The following PLEKHA7 variants were observed in gnomAD, a reference collection of about 807,000 sequenced individuals.
The protein encoded by PLEKHA7 is pleckstrin homology domain-containing family A member 7.
A neutral mutation model predicts 170.0 loss-of-function variants in PLEKHA7; 104 were observed. The ratio of observed to expected loss-of-function variants is 0.61; its 90% CI spans 0.52 to 0.72. The LOEUF is 0.72. Among genes scored for constraint, PLEKHA7 ranks in the 30% least tolerant of loss-of-function variants. The pLI, the probability that PLEKHA7 is intolerant of heterozygous loss-of-function variation, is 0.00. For missense variants in PLEKHA7, 1,615 were observed against 1,671.7 expected (o/e 0.97, Z 0.59); for synonymous variants, 648 against 660.8 (o/e 0.98, Z 0.30).
intron 3 of PLEKHA7, among the ~76,000 whole-genome samples, chr11:16,941,108 T>G (rs1343941446): frequency 1.3e-5 from 2 of 152,210 alleles, no homozygotes; most frequent in Admixed American, 1.3e-4. Flanking sequence ...TGAGCTTCCC[T>G]TACTGGCTGG....
intron 9 of PLEKHA7, among the ~76,000 whole-genome samples, chr11:16,828,900 A>G (rs1368304099): frequency 6.6e-6 from 1 of 152,238 alleles, no homozygotes; most frequent in Non-Finnish European, 1.5e-5. Context: ...ACACAAAGGA[A>G]AGCAGATGGA....
Position 16,851,204 on chromosome 11 carries a change from T to G in PLEKHA7, c.683A>C (p.Lys228Thr). The change falls in exon 8 of 27, where the codon AAA becomes ACA. Residue 228 changes from lysine (K) to threonine (T), a missense_variant. Physicochemically the swap from Lys to Thr is moderately conservative, Grantham distance 78. Coordinates refer to ENST00000531066, the MANE Select transcript of PLEKHA7 (RefSeq NM_001329630.2). ...CAGGGGCAGTACCTTAAAGGAATAT[T>G]TGCGGCTTATGCGATCCTCAGGGGC... Reference protein sequence around the residue: ...PVAPEDRISRKYSFKAVHTGM... With the variant: ...PVAPEDRISRTYSFKAVHTGM... 1 of 1,608,056 alleles carries G rather than the reference T, an allele frequency of 6.2e-7. No homozygotes were observed. Among genetic ancestry groups the G allele is most frequent in the Middle Eastern group, 1.7e-4 (1 of 6,054 alleles).
chr11:16,800,029 A>C (rs1388212176), intron 17 of PLEKHA7, among the ~76,000 whole-genome samples: 1 of 152,192 alleles, frequency 6.6e-6, no homozygotes, highest in African/African-American at 2.4e-5. Context: ...ATACTCATTA[A>C]ATCACTTAAA....
At chr11:16,802,640 C>T (rs557892257) in intron 15 of PLEKHA7, among the ~76,000 whole-genome samples, 2 of 152,056 alleles carry the variant, frequency 1.3e-5, no homozygotes, top group African/African-American at 2.4e-5. Context: ...CTCTGCCTCC[C>T]GGGTTCAAGC....
chr11:16,876,245 T>C (rs2135734351), intron 3 of PLEKHA7, among the ~76,000 whole-genome samples: 1 of 152,380 alleles, frequency 6.6e-6, no homozygotes, highest in South Asian at 2.1e-4. Flanking sequence ...TTCTTAGACC[T>C]GAATTGCTAC....
intron 10 of PLEKHA7, among the ~76,000 whole-genome samples, chr11:16,819,353 C>G (rs1850035153): frequency 6.6e-6 from 1 of 152,224 alleles, no homozygotes; most frequent in African/African-American, 2.4e-5. Context: ...CCCCCTCAGC[C>G]TACCAAAGTG....
intron 3 of PLEKHA7, among the ~76,000 whole-genome samples, chr11:16,986,374 C>T (rs1863726445): frequency 6.6e-6 from 1 of 152,058 alleles, no homozygotes; most frequent in Non-Finnish European, 1.5e-5. Flanking sequence ...GGTGCAAGAC[C>T]CCATGGAGAA....
At chr11:16,846,400 G>A (rs1049915242) in intron 8 of PLEKHA7, among the ~76,000 whole-genome samples, 35 of 152,190 alleles carry the variant, frequency 2.3e-4, no homozygotes, top group Non-Finnish European at 2.1e-4. Context: ...AGTGAACAGG[G>A]TAAGAACTTG....
intron 3 of PLEKHA7, among the ~76,000 whole-genome samples, chr11:16,878,803 G>A (rs1171175017): frequency 6.6e-6 from 1 of 152,156 alleles, no homozygotes; most frequent in Admixed American, 6.5e-5. Flanking sequence ...ACAGAAATCT[G>A]GACTCAAGTA....
intron 4 of PLEKHA7, among the ~76,000 whole-genome samples, chr11:16,865,030 G>A (rs984218054): frequency 6.6e-6 from 1 of 152,078 alleles, no homozygotes; most frequent in Non-Finnish European, 1.5e-5. Flanking sequence ...AATCACAATA[G>A]GTCACAGGAT....
chr11:16,896,894 GAT>G (rs146732347), intron 3 of PLEKHA7, among the ~76,000 whole-genome samples: 2,362 of 152,194 alleles, frequency 0.016, 60 homozygotes, highest in African/African-American at 0.054. Flanking sequence ...AGCCTTCCAC[GAT>G]ATGAGGCTGA....
Position 16,786,407 on chromosome 11 carries a change from T to G in PLEKHA7, c.3358-20A>C, listed in dbSNP as rs764916043. ...CTTCCACTGGCAACAGAACAAGAGG[T>G]TAAACGTAGTCGCTTCCTGATTGCT... is the stretch of plus-strand genomic sequence containing the variant. On this transcript the variant is annotated intron_variant, in intron 23 of 26. Coordinates refer to ENST00000531066, the MANE Select transcript of PLEKHA7 (RefSeq NM_001329630.2). 1.4e-4 allele frequency: 215 copies of G among 1,535,640 alleles called. No individual in the cohort carries two copies. Among genetic ancestry groups the G allele is most frequent in the Non-Finnish European group, 1.8e-4 (207 of 1,146,606 alleles).
intron 20 of PLEKHA7, 43 bp from the exon 21 acceptor site, chr11:16,790,958 C>A: frequency 3.7e-6 from 6 of 1,613,690 alleles, no homozygotes; most frequent in East Asian, 2.2e-5. Context: ...CAGTGTCACA[C>A]CCCTTTACCT....
At chr11:16,813,046 C>T in intron 13 of PLEKHA7, 67 bp downstream of exon 13, 1 of 1,460,984 alleles carries the variant, frequency 6.8e-7, no homozygotes, top group Non-Finnish European at 9.6e-7. Context: ...TTGGGCTTGG[C>T]TCCAGTGAGG....
At chr11:16,798,918 T>C (rs1448527885) in intron 17 of PLEKHA7, among the ~76,000 whole-genome samples, 1 of 152,168 alleles carries the variant, frequency 6.6e-6, no homozygotes, top group African/African-American at 2.4e-5. Flanking sequence ...AGAAGAGGAA[T>C]GGCTAAATAA....
intron 6 of PLEKHA7, among the ~76,000 whole-genome samples, chr11:16,853,899 G>A (rs886553155): frequency 7.2e-5 from 11 of 152,288 alleles, no homozygotes; most frequent in African/African-American, 2.6e-4. Flanking sequence ...GCTGTTCAAT[G>A]TAATGCCCTC....
intron 17 of PLEKHA7, among the ~76,000 whole-genome samples, chr11:16,796,278 C>T (rs1193019744): frequency 2.0e-5 from 3 of 151,998 alleles, no homozygotes; most frequent in Non-Finnish European, 4.4e-5. Flanking sequence ...CAGCTGAACC[C>T]GATATTTGAG....
chr11:16,933,893 C>G (rs974947041), intron 3 of PLEKHA7, among the ~76,000 whole-genome samples: 4 of 152,176 alleles, frequency 2.6e-5, no homozygotes, highest in African/African-American at 9.7e-5. Context: ...GTAACTTGTT[C>G]AAGGCTGAGA....
chr11:16,946,849 G>A (rs372831121), intron 3 of PLEKHA7, among the ~76,000 whole-genome samples: 2 of 151,896 alleles, frequency 1.3e-5, no homozygotes, highest in East Asian at 1.9e-4. Context: ...CATTCTGCTC[G>A]GTAAGGTATT....
Sources: allele counts gnomAD v4.1 joint callset (sites outside exome capture counted in the v4.1 genomes callset), GRCh38; gene constraint gnomAD v4.1.1; transcripts MANE v1.5; gene names NCBI Gene and HGNC (gene_info 2026-07-23, HGNC 2026-07-21).